The following MEI1 variants were observed in gnomAD, a reference collection of about 807,000 sequenced individuals.
The protein encoded by MEI1 is meiotic double-stranded break formation protein 1.
In MEI1, 103 loss-of-function variants were observed where a neutral mutation model predicts 146.2. The observed-to-expected ratio is 0.70, with a 90% CI of 0.60 to 0.83. MEI1 has a LOEUF of 0.83. Ranked by LOEUF, MEI1 falls within the 40% of genes least tolerant of loss-of-function variation. The probability of loss-of-function intolerance (pLI) is 0.00; values close to 1 mark genes in which losing one functional copy is unlikely to be tolerated. For synonymous variants in MEI1, 652 were observed against 628.2 expected (o/e 1.04, Z -0.57); for missense variants, 1,529 against 1,533.0 (o/e 1.00, Z 0.04).
chr22:41,765,311 C>T (rs942014588), intron 19 of MEI1, among the ~76,000 whole-genome samples: 1 of 151,916 alleles, frequency 6.6e-6, no homozygotes, highest in Non-Finnish European at 1.5e-5. Context: ...CCACCGTGCC[C>T]AGCCAGAAAA....
intron 24 of MEI1, 32 bp downstream of exon 24, chr22:41,781,877 T>C: frequency 6.2e-7 from 1 of 1,610,920 alleles, no homozygotes; most frequent in Non-Finnish European, 8.5e-7. Context: ...CTTTGAGGCA[T>C]GGGGTGGCAC....
At chr22:41,771,066 C>A in intron 20 of MEI1, 105 bp downstream of exon 20, 1 of 1,254,866 alleles carries the variant, frequency 8.0e-7, no homozygotes, top group Non-Finnish European at 1.1e-6. Context: ...TTCAGCCCAC[C>A]TCCAGACTTA....
In MEI1 at chr22:41,738,810, T is replaced by TA. The variant is rs3045433; in HGVS notation, c.1332-4267dup. Among the ~76,000 whole-genome samples the TA allele has an allele frequency of 1.2e-3, 178 of 149,254 alleles. 3 individuals are homozygous for TA. The East Asian group carries it at 0.031, about 26-fold the overall frequency. On this transcript the variant is annotated intron_variant, in intron 11 of 30. Transcript: ENST00000401548. ...ATAAATAAATAAGTAATAAAATAAATAAATAAAATTAGCTGGGTGTGGTGG... is the reference window on the plus strand; with the variant it reads ...ATAAATAAATAAGTAATAAAATAAATAAAATAAAATTAGCTGGGTGTGGTGG...
chr22:41,732,032 T>C (rs1485187536), intron 9 of MEI1, among the ~76,000 whole-genome samples: 3 of 152,188 alleles, frequency 2.0e-5, no homozygotes, highest in Admixed American at 2.0e-4. Flanking sequence ...GACTGTGCTA[T>C]GGCTTGTACT....
intron 21 of MEI1, among the ~76,000 whole-genome samples, chr22:41,776,531 G>A (rs1221006884): frequency 6.6e-6 from 1 of 152,236 alleles, no homozygotes; most frequent in African/African-American, 2.4e-5. Context: ...TGTGCAGCAT[G>A]TGCTCAGTGT....
At chr22:41,765,883 C>CTTTTTTTTTTT (rs1013045266) in intron 19 of MEI1, among the ~76,000 whole-genome samples, 1 of 86,134 alleles carries the variant, frequency 1.2e-5, no homozygotes, top group African/African-American at 4.7e-5. Context: ...CCAAAATGTT[C>CTTTTTTTTTTT]TTTTTTTTTT....
At chr22:41,764,736 A>C (rs1484905492) in intron 19 of MEI1, among the ~76,000 whole-genome samples, 2 of 152,208 alleles carry the variant, frequency 1.3e-5, no homozygotes, top group Non-Finnish European at 2.9e-5. Context: ...TAGCCTAATT[A>C]ACAATGATCT....
intron 3 of MEI1, among the ~76,000 whole-genome samples, chr22:41,711,080 G>A (rs963321353): frequency 6.6e-6 from 1 of 152,166 alleles, no homozygotes; most frequent in Non-Finnish European, 1.5e-5. Context: ...ATGTTCTTTA[G>A]GGAGCATTCA....
At chr22:41,721,719 C>CTT (rs58572782) in intron 6 of MEI1, among the ~76,000 whole-genome samples, 9,821 of 102,132 alleles carry the variant, frequency 0.096, 1,681 homozygotes, top group African/African-American at 0.33. Flanking sequence ...AATGCTACCC[C>CTT]TTTTTTTTTT....
rs750375214 is a variant in MEI1, at chr22:41,794,360, G to A, written c.3428-11G>A. On this transcript the variant is annotated splice_polypyrimidine_tract_variant and intron_variant, in intron 27 of 30. Coordinates refer to ENST00000401548, the MANE Select transcript of MEI1 (RefSeq NM_152513.4). Reference sequence around the variant, plus strand: ...GTCTTGGAAGCATTAACAACCCAGTGTTTCTTGAAGCTCTCCACGTGGCCT... The same window carrying A: ...GTCTTGGAAGCATTAACAACCCAGTATTTCTTGAAGCTCTCCACGTGGCCT... The A allele has an allele frequency of 1.2e-6, 2 of 1,611,862 alleles. No homozygotes were observed. The highest frequency in any genetic ancestry group is 4.5e-5 in the East Asian group (2 of 44,868).
intron 24 of MEI1, 33 bp from the exon 25 acceptor site, chr22:41,784,306 T>G (rs770312225): frequency 6.3e-7 from 1 of 1,596,936 alleles, no homozygotes; most frequent in South Asian, 1.1e-5. Flanking sequence ...TTCCAGAACA[T>G]GGGGGTTAGC....
intron 30 of MEI1, 50 bp from the exon 31 acceptor site, chr22:41,799,204 C>A: frequency 1.9e-6 from 3 of 1,586,664 alleles, no homozygotes; most frequent in Non-Finnish European, 2.6e-6. Context: ...GTGATGCCCC[C>A]ATGGTTGGCC....
intron 7 of MEI1, among the ~76,000 whole-genome samples, chr22:41,724,830 T>A (rs1431330794): frequency 4.0e-5 from 6 of 150,872 alleles, no homozygotes; most frequent in Non-Finnish European, 7.4e-5. Context: ...AGTGCCGAGG[T>A]CTTGCTCTCT....
intron 11 of MEI1, among the ~76,000 whole-genome samples, chr22:41,736,091 TC>T (rs1056405113): frequency 2.6e-5 from 4 of 152,144 alleles, no homozygotes; most frequent in Non-Finnish European, 5.9e-5. Context: ...ACGGAACACT[TC>T]CCTGCCTCTT....
chr22:41,757,677 G>A (rs2074187327), intron 17 of MEI1, among the ~76,000 whole-genome samples: 1 of 151,918 alleles, frequency 6.6e-6, no homozygotes. Flanking sequence ...CCTTCCCCAT[G>A]CCAGGCAGCC....
chr22:41,703,339 C>G lies in MEI1; in HGVS notation c.183C>G (p.Arg61=). ...LLPDPGVSLV[R]KKHMLSCFQD... ...TCTTCATTTGCTTCAAGTTAGTGCG[C>G]AAGAAGCACATGTTGTCCTGCTTCC... The change falls in exon 2 of 31, where the codon CGC becomes CGG. Residue 61 remains arginine, a synonymous_variant. Transcript: ENST00000401548. 6.2e-7 allele frequency: 1 copy of G among 1,612,458 alleles called. No homozygotes were observed. Among genetic ancestry groups the G allele is most frequent in the Non-Finnish European group, 8.5e-7 (1 of 1,179,250 alleles).
At chr22:41,788,087 G>A (rs1483522694) in intron 26 of MEI1, among the ~76,000 whole-genome samples, 2 of 152,174 alleles carry the variant, frequency 1.3e-5, no homozygotes, top group Non-Finnish European at 2.9e-5. Flanking sequence ...CTGGAGTGCA[G>A]TGGTGCAATC....
At chr22:41,757,285 G>A (rs1264907504) in intron 17 of MEI1, among the ~76,000 whole-genome samples, 3 of 152,012 alleles carry the variant, frequency 2.0e-5, no homozygotes, top group Non-Finnish European at 2.9e-5. Context: ...TAGTAGAGAC[G>A]GGTTTTCACC....
At chr22:41,753,880 C>A in intron 16 of MEI1, 69 bp from the exon 17 acceptor site, 2 of 1,085,054 alleles carry the variant, frequency 1.8e-6, no homozygotes, top group Non-Finnish European at 2.9e-6. Flanking sequence ...AGGCATATGG[C>A]AGGGATAATG....
Sources: gnomAD v4.1 joint callset for allele counts (sites outside exome capture counted in the v4.1 genomes callset) on GRCh38, gnomAD v4.1.1 for gene constraint, MANE v1.5 for transcripts, NCBI Gene and HGNC (gene_info 2026-07-23, HGNC 2026-07-21) for gene names.